INO80: variants seen among roughly 807,000 people sequenced by gnomAD.
INO80 encodes chromatin-remodeling ATPase INO80.
Under a neutral mutation model 203.4 loss-of-function variants are expected in INO80, and 20 were observed. The ratio of observed to expected loss-of-function variants is 0.10; its 90% CI spans 0.07 to 0.14. The LOEUF (loss-of-function observed/expected upper bound fraction) is 0.14, where lower values mean the gene tolerates loss of function less well. Ranked by LOEUF, INO80 falls within the 10% of genes least tolerant of loss-of-function variation. The pLI is 1.00. For synonymous variants in INO80, 726 were observed against 685.2 expected (o/e 1.06, Z -0.93); for missense variants, 1,419 against 1,914.4 (o/e 0.74, Z 4.83).
chr15:41,023,447 C>A, intron 25 of INO80: 1 of 409,922 alleles, frequency 2.4e-6, no homozygotes, highest in South Asian at 1.7e-5. Flanking sequence ...AGCATGCATA[C>A]TCTTAGATAA....
intron 1 of INO80, among the ~76,000 whole-genome samples, chr15:41,105,508 T>C (rs555140642): frequency 1.3e-5 from 2 of 152,236 alleles, no homozygotes; most frequent in East Asian, 1.9e-4. Flanking sequence ...CCCAAGATCA[T>C]ACAAACAGAA....
At chr15:41,048,084 G>A in intron 22 of INO80, 128 bp downstream of exon 22, 2 of 585,682 alleles carry the variant, frequency 3.4e-6, no homozygotes, top group Non-Finnish European at 6.0e-6. Context: ...ATCTTATCAA[G>A]ATTTTATAAA....
At chr15:40,986,628 T>C (rs2043737312) in intron 31 of INO80, among the ~76,000 whole-genome samples, 1 of 151,462 alleles carries the variant, frequency 6.6e-6, no homozygotes, top group Non-Finnish European at 1.5e-5. Flanking sequence ...GTTTTTTGTT[T>C]TTGTTTGTTT....
chr15:41,088,667 TA>T (rs2045594322), intron 5 of INO80, among the ~76,000 whole-genome samples: 1 of 152,208 alleles, frequency 6.6e-6, no homozygotes, highest in South Asian at 2.1e-4. Context: ...TACTAATGCA[TA>T]AATATAAATT....
intron 1 of INO80, among the ~76,000 whole-genome samples, chr15:41,112,813 AC>A (rs1264466895): frequency 1.9e-4 from 29 of 149,974 alleles, no homozygotes; most frequent in African/African-American, 6.6e-4. Context: ...AAAAAAAAAA[AC>A]TTTTCAACTG....
At chr15:41,074,616 G>T (rs2045375568) in intron 9 of INO80, 51 bp from the exon 10 acceptor site, 3 of 1,310,682 alleles carry the variant, frequency 2.3e-6, no homozygotes, top group South Asian at 2.7e-5. Context: ...TGATATCCAA[G>T]AAGTAGTCCA....
At chr15:41,083,565 G>C (rs190811344) in intron 7 of INO80, among the ~76,000 whole-genome samples, 159 of 151,846 alleles carry the variant, frequency 1.0e-3, no homozygotes, top group Non-Finnish European at 2.1e-3. Context: ...AATTAGCTGG[G>C]TGTGACGGCG....
chr15:41,022,926 C>T (rs2044315895), intron 25 of INO80, among the ~76,000 whole-genome samples: 1 of 151,758 alleles, frequency 6.6e-6, no homozygotes, highest in African/African-American at 2.4e-5. Flanking sequence ...GATGGCAAAA[C>T]CCCATCTCTA....
intron 27 of INO80, among the ~76,000 whole-genome samples, chr15:41,008,596 A>T (rs2044085969): frequency 6.6e-6 from 1 of 152,222 alleles, no homozygotes; most frequent in African/African-American, 2.4e-5. Flanking sequence ...AATATATACA[A>T]TTTTTATTTA....
chr15:41,068,377 A>T (rs188256127), intron 14 of INO80, among the ~76,000 whole-genome samples: 213 of 152,220 alleles, frequency 1.4e-3, no homozygotes, highest in African/African-American at 4.8e-3. Flanking sequence ...CAACATCGTC[A>T]GTAGAGAAAC....
intron 1 of INO80, among the ~76,000 whole-genome samples, chr15:41,111,837 A>G (rs112398011): frequency 4.6e-4 from 67 of 145,922 alleles, no homozygotes; most frequent in Non-Finnish European, 8.7e-4. Flanking sequence ...GGGGAGGAGG[A>G]AAAAAAAAAC....
At chr15:41,059,513 A>G (rs1321775954) in intron 15 of INO80, among the ~76,000 whole-genome samples, 1 of 150,004 alleles carries the variant, frequency 6.7e-6, no homozygotes, top group Non-Finnish European at 1.5e-5. Flanking sequence ...TAGTCCCAAA[A>G]ATTAGCTGGG....
intron 2 of INO80, 56 bp downstream of exon 2, chr15:41,096,112 A>G: frequency 1.3e-6 from 2 of 1,519,344 alleles, no homozygotes; most frequent in South Asian, 2.6e-5. Context: ...AAAATCTGTA[A>G]GGATGATGGA....
At chr15:41,052,916 C>T (rs1329512237) in intron 19 of INO80, among the ~76,000 whole-genome samples, 1 of 151,554 alleles carries the variant, frequency 6.6e-6, no homozygotes, top group African/African-American at 2.4e-5. Flanking sequence ...ACCTGTAGTC[C>T]CAGCTACTTG....
At position 41,048,289 on chromosome 15, in the gene INO80, T is replaced by TA; in HGVS notation, c.2577-14dup. The TA allele has an allele frequency of 6.2e-7, 1 of 1,601,526 alleles. No homozygotes were observed. Among genetic ancestry groups the TA allele is most frequent in the Non-Finnish European group, 8.6e-7 (1 of 1,168,920 alleles). ...AACCCTTAACCACCTGCAAAGTAAG[T>TA]AAATAAAATAAAGCCAAACCCAAAC... On this transcript the variant is annotated splice_polypyrimidine_tract_variant and intron_variant, in intron 21 of 35. Transcript: ENST00000648947.
chr15:41,001,587 G>A (rs2043959205), intron 28 of INO80, among the ~76,000 whole-genome samples: 1 of 152,190 alleles, frequency 6.6e-6, no homozygotes. Context: ...AAGGTCATGG[G>A]TTAGGAGGAA....
intron 1 of INO80, among the ~76,000 whole-genome samples, chr15:41,100,661 T>C (rs2045793588): frequency 6.6e-6 from 1 of 152,198 alleles, no homozygotes; most frequent in African/African-American, 2.4e-5. Flanking sequence ...CAAGAAGTCC[T>C]ATGATGACAT....
chr15:41,055,949 T>TC (rs929189667), intron 17 of INO80, among the ~76,000 whole-genome samples: 14 of 149,708 alleles, frequency 9.4e-5, no homozygotes, highest in African/African-American at 3.4e-4. Context: ...CTTTTGGTTT[T>TC]TTTTTTTTTT....
At chr15:41,012,255 A>AGT (rs1404483020) in intron 27 of INO80, among the ~76,000 whole-genome samples, 3 of 152,158 alleles carry the variant, frequency 2.0e-5, no homozygotes, top group Non-Finnish European at 4.4e-5. Flanking sequence ...GTGTTCCCCT[A>AGT]GTATGCCCAA....
Sources: allele counts gnomAD v4.1 joint callset (sites outside exome capture counted in the v4.1 genomes callset), GRCh38; gene constraint gnomAD v4.1.1; transcripts MANE v1.5; gene names NCBI Gene and HGNC (gene_info 2026-07-23, HGNC 2026-07-21).